TMBIM6: variants seen among roughly 807,000 people sequenced by gnomAD.
TMBIM6 encodes transmembrane BAX inhibitor motif containing 6.
Under a neutral mutation model 31.4 loss-of-function variants are expected in TMBIM6, and 13 were observed. The ratio of observed to expected loss-of-function variants is 0.41; its 90% CI spans 0.27 to 0.66. TMBIM6 has a LOEUF of 0.66. Ranked by LOEUF, TMBIM6 falls within the 30% of genes least tolerant of loss-of-function variation. TMBIM6 has a pLI of 0.28. For missense variants in TMBIM6, 275 were observed against 289.5 expected, an observed-to-expected ratio of 0.95 and a Z score of 0.36; for synonymous variants, 85 against 101.7, an observed-to-expected ratio of 0.84 and a Z score of 0.99.
chr12:49,758,152 C>T (rs1945641185), intron 4 of TMBIM6, 75 bp from the exon 5 acceptor site: 18 of 1,535,030 alleles, frequency 1.2e-5, no homozygotes, highest in African/African-American at 2.8e-5. Context: ...GCCTATATTT[C>T]GGGATCAGCT....
intron 1 of TMBIM6, among the ~76,000 whole-genome samples, chr12:49,745,273 A>C (rs1945369365): frequency 6.6e-6 from 1 of 152,222 alleles, no homozygotes; most frequent in African/African-American, 2.4e-5. Context: ...GGCTGTCTCA[A>C]AATGTCCATG....
intron 1 of TMBIM6, among the ~76,000 whole-genome samples, chr12:49,749,441 G>GTTTTTTTTTTT (rs61667487): frequency 0.09 from 13,039 of 145,360 alleles, 989 homozygotes; most frequent in African/African-American, 0.19. Context: ...AGTCATTTTT[G>GTTTTTTTTTTT]TTTTTTTTTG....
chr12:49,751,484 C>T (rs1214908953), intron 1 of TMBIM6, among the ~76,000 whole-genome samples: 1 of 152,056 alleles, frequency 6.6e-6, no homozygotes, highest in Admixed American at 6.6e-5. Flanking sequence ...TCTAACCTTT[C>T]TGTAGGAAAG....
At chr12:49,742,216 G>C (rs1945309605) in intron 1 of TMBIM6, 1 of 1,613,336 alleles carries the variant, frequency 6.2e-7, no homozygotes, top group African/African-American at 1.3e-5. Context: ...GGAGTCTGGG[G>C]CTGGGGCTGC....
chr12:49,756,452 T>C (rs1310874088), intron 4 of TMBIM6, among the ~76,000 whole-genome samples: 1 of 149,742 alleles, frequency 6.7e-6, no homozygotes, highest in African/African-American at 2.5e-5. Flanking sequence ...TTTTTTTTTT[T>C]TTTTTTTTTT....
rs769233005 is a variant in TMBIM6 at position 49,755,646 on chromosome 12, G to C, written c.177G>C (p.Leu59=). The stretch of plus-strand genomic sequence containing the variant: ...TCTGACTCTAACAGGCTGGCCTGCT[G>C]TCTGCCTTGGGCTCCCTGATATTGA... The part of the protein sequence containing the change: ...MVTHFIQAGL[L]SALGSLILMI... Residue 59 remains leucine, a synonymous_variant, in exon 4 of 10, where the codon CTG becomes CTC. Coordinates refer to ENST00000267115, the MANE Select transcript of TMBIM6 (RefSeq NM_003217.3). The C allele has an allele frequency of 1.9e-5, 31 of 1,613,772 alleles. No individual in the cohort carries two copies. In the South Asian group the frequency reaches 3.3e-4, roughly 17 times the overall value.
chr12:49,749,923 T>C (rs1367829161), intron 1 of TMBIM6: 1 of 152,242 alleles, frequency 6.6e-6, no homozygotes, highest in Non-Finnish European at 1.5e-5. Flanking sequence ...AAAATTGCTG[T>C]GCCCTTTTGC....
chr12:49,761,611 G>T, intron 8 of TMBIM6, 93 bp from the exon 9 acceptor site: 3 of 1,130,888 alleles, frequency 2.7e-6, no homozygotes, highest in East Asian at 5.0e-5. Flanking sequence ...GCTGGCTCGT[G>T]GGGGTAGGGG....
chr12:49,762,106 C>A (rs1565574710), intron 9 of TMBIM6: 1 of 263,932 alleles, frequency 3.8e-6, no homozygotes, highest in African/African-American at 2.2e-5. Context: ...TTGTAAATTT[C>A]AGAAGTAGAC....
At chr12:49,756,661 G>A (rs751239228) in intron 4 of TMBIM6, among the ~76,000 whole-genome samples, 1 of 151,298 alleles carries the variant, frequency 6.6e-6, no homozygotes, top group Non-Finnish European at 1.5e-5. Context: ...TCCTGACCTC[G>A]TGATCTGCTC....
In TMBIM6 at chr12:49,755,851, TGAGACAGAGTC is replaced by T. The variant is rs1945581455; in HGVS notation, c.286+97_286+107del. 3.8e-6 allele frequency: 5 copies of T among 1,299,640 alleles called. No individual in the cohort carries two copies. The South Asian group carries it at 7.2e-5, about 19-fold the overall frequency. The allele number at this position is 1,299,640 out of a possible 1,614,324, so 80.5% of individuals were successfully genotyped here. Reference sequence around the variant, plus strand: ...CCTTTTTTTTTCTTTTTTTTTTTTTTGAGACAGAGTCTCGCTCTGTTGCCCAGGCCAGAGTG... The same window carrying T: ...CCTTTTTTTTTCTTTTTTTTTTTTTTTCGCTCTGTTGCCCAGGCCAGAGTG... On this transcript the variant is annotated intron_variant, in intron 4 of 9. Transcript: ENST00000267115.
chr12:49,762,805 C>G, intron 9 of TMBIM6, 68 bp from the exon 10 acceptor site: 1 of 1,461,436 alleles, frequency 6.8e-7, no homozygotes, highest in Non-Finnish European at 9.6e-7. Context: ...ACTAAATGCT[C>G]ACTCAAGAGT....
intron 1 of TMBIM6, among the ~76,000 whole-genome samples, chr12:49,748,351 TCTC>T (rs1363926181): frequency 8.5e-5 from 13 of 152,176 alleles, no homozygotes; most frequent in African/African-American, 1.4e-4. Flanking sequence ...AGAATGCCTG[TCTC>T]CTCCTACCAG....
intron 8 of TMBIM6, 63 bp from the exon 9 acceptor site, chr12:49,761,640 TC>T: frequency 6.6e-7 from 1 of 1,524,960 alleles, no homozygotes; most frequent in South Asian, 1.1e-5. Flanking sequence ...ATATTCTGCA[TC>T]TTTGTGGGCT....
At chr12:49,759,500 T>C (rs1382771416) in intron 8 of TMBIM6, among the ~76,000 whole-genome samples, 179 bp downstream of exon 8, 1 of 152,154 alleles carries the variant, frequency 6.6e-6, no homozygotes, top group East Asian at 1.9e-4. Flanking sequence ...AGATTTCAGA[T>C]TTTTTAAAAA....
At chr12:49,748,078 A>G (rs897565323) in intron 1 of TMBIM6, among the ~76,000 whole-genome samples, 2 of 151,770 alleles carry the variant, frequency 1.3e-5, no homozygotes, top group Non-Finnish European at 2.9e-5. Flanking sequence ...TAATTTTTGT[A>G]TTTTTAGTAG....
Position 49,742,190 on chromosome 12 carries a change from G to C in TMBIM6, c.-31+579G>C, listed in dbSNP as rs773321440. On this transcript the variant is annotated intron_variant, in intron 1 of 9. Transcript: ENST00000267115. Reference sequence around the variant, plus strand: ...CTCCTCAGTTACTTAGCCAACGGCAGAGGCGGGAAGTGAGAGGAGTCTGGG... The same window carrying C: ...CTCCTCAGTTACTTAGCCAACGGCACAGGCGGGAAGTGAGAGGAGTCTGGG... 3.7e-6 allele frequency: 6 copies of C among 1,612,868 alleles called. No homozygotes were observed. In the Admixed American group the frequency reaches 1.0e-4, roughly 27 times the overall value.
chr12:49,750,143 C>G (rs1017177400), intron 1 of TMBIM6, among the ~76,000 whole-genome samples: 11 of 152,054 alleles, frequency 7.2e-5, no homozygotes, highest in Non-Finnish European at 1.5e-4. Flanking sequence ...TAAGAGAGAA[C>G]CAGAAAGAGG....
At chr12:49,757,612 G>A (rs1173579710) in intron 4 of TMBIM6, among the ~76,000 whole-genome samples, 1 of 152,216 alleles carries the variant, frequency 6.6e-6, no homozygotes, top group Admixed American at 6.5e-5. Flanking sequence ...ATATACGTAG[G>A]AGAAATTTTA....
Sources: allele counts gnomAD v4.1 joint callset (sites outside exome capture counted in the v4.1 genomes callset), GRCh38; gene constraint gnomAD v4.1.1; transcripts MANE v1.5; gene names NCBI Gene and HGNC (gene_info 2026-07-23, HGNC 2026-07-21).